The following RAC1 variants were observed in gnomAD, a reference collection of about 807,000 sequenced individuals.
RAC1 encodes the protein Rac family small GTPase 1.
In RAC1, 2 loss-of-function variants were observed where a neutral mutation model predicts 25.2. The ratio of observed to expected loss-of-function variants is 0.08; its 90% CI spans 0.03 to 0.25. The LOEUF is 0.25. RAC1 is among the 10% of genes least tolerant of loss of function. RAC1 has a pLI of 1.00. For synonymous variants in RAC1, 88 were observed against 94.0 expected, an observed-to-expected ratio of 0.94 and a Z score of 0.37; for missense variants, 50 against 235.7, an observed-to-expected ratio of 0.21 and a Z score of 5.16.
At chr7:6,376,253 G>C (rs1782589634) in intron 1 of RAC1, among the ~76,000 whole-genome samples, 1 of 129,136 alleles carries the variant, frequency 7.7e-6, no homozygotes, top group Non-Finnish European at 1.5e-5. Flanking sequence ...CACGATTTCG[G>C]CTCACTACAA....
Position 6,374,713 on chromosome 7 carries a change from C to T in RAC1, c.-23C>T, listed in dbSNP as rs1331769704. 2.7e-6 allele frequency: 3 copies of T among 1,101,552 alleles called. No homozygotes were observed. The highest frequency in any genetic ancestry group is 3.3e-6 in the Non-Finnish European group (3 of 901,426). 68.2% of individuals were successfully genotyped at this position (1,101,552 alleles called of 1,614,324 possible). A position where few individuals can be genotyped will look rare whatever the true frequency, so the allele number is the denominator to read the frequency against. On this transcript the variant is annotated 5_prime_UTR_variant, in exon 1 of 6. Coordinates refer to ENST00000348035, the MANE Select transcript of RAC1 (RefSeq NM_006908.5). ...CTATCTCAGCGCCCTGCCGCCGCCG[C>T]CGCGGCCCAGCGAGCGGCCCTGATG...
intron 2 of RAC1, among the ~76,000 whole-genome samples, chr7:6,387,839 A>G (rs1021166042): frequency 3.3e-5 from 5 of 152,206 alleles, no homozygotes; most frequent in African/African-American, 9.6e-5. Context: ...CAGAGACTGG[A>G]TGATGTTAAA....
In RAC1 at chr7:6,403,327, C is replaced by G; in HGVS notation, c.*881C>G. On this transcript the variant is annotated 3_prime_UTR_variant, in exon 6 of 6. Coordinates refer to ENST00000348035, the MANE Select transcript of RAC1 (RefSeq NM_006908.5). ...TTTCTTAAGCTTTTCCTTTCTCTTA[C>G]ACCTGCCATGCCTCCCCAAATTGGG... 4.8e-6 allele frequency: 1 copy of G among 209,110 alleles called. No individual in the cohort carries two copies. Among genetic ancestry groups the G allele is most frequent in the Non-Finnish European group, 9.7e-6 (1 of 102,626 alleles). The allele number at this position is 209,110 out of a possible 1,614,324, so 13.0% of individuals were successfully genotyped here.
chr7:6,390,451 T>G (rs930435978), intron 2 of RAC1, among the ~76,000 whole-genome samples: 24 of 151,914 alleles, frequency 1.6e-4, no homozygotes, highest in African/African-American at 5.5e-4. Context: ...AATACAAAAA[T>G]TAACCGGGCA....
At chr7:6,394,166 A>G (rs1443602455) in intron 3 of RAC1, among the ~76,000 whole-genome samples, 5 of 152,052 alleles carry the variant, frequency 3.3e-5, no homozygotes, top group African/African-American at 9.7e-5. Context: ...CTAAAAAGAG[A>G]TGTTACATTT....
chr7:6,385,670 T>G (rs1053187878), intron 1 of RAC1, among the ~76,000 whole-genome samples: 1 of 152,192 alleles, frequency 6.6e-6, no homozygotes, highest in Non-Finnish European at 1.5e-5. Flanking sequence ...CCCTCAATAA[T>G]GTCATGAGTG....
intron 1 of RAC1, among the ~76,000 whole-genome samples, chr7:6,385,557 C>T (rs1782902794): frequency 6.6e-6 from 1 of 152,160 alleles, no homozygotes; most frequent in Non-Finnish European, 1.5e-5. Context: ...TCCAATGAGT[C>T]ATTTCTGTTT....
intron 1 of RAC1, among the ~76,000 whole-genome samples, chr7:6,377,473 A>T (rs1031887559): frequency 1.3e-5 from 2 of 152,098 alleles, no homozygotes; most frequent in Admixed American, 1.3e-4. Context: ...ATGTGCCTGT[A>T]GTCCCAGCTA....
chr7:6,397,091 T>A (rs836468), intron 3 of RAC1, among the ~76,000 whole-genome samples: 45,121 of 133,690 alleles, frequency 0.34, 8,034 homozygotes, highest in East Asian at 0.79. Context: ...ATACAAAAAA[T>A]TTAGCTGGGC....
intron 4 of RAC1, among the ~76,000 whole-genome samples, chr7:6,401,247 T>G (rs1296313775): frequency 6.6e-6 from 1 of 152,210 alleles, no homozygotes; most frequent in African/African-American, 2.4e-5. Context: ...TGAGCCACTA[T>G]GCCCGGCCTA....
At chr7:6,399,794 AT>A (rs1783346141) in intron 3 of RAC1, 1 of 264,392 alleles carries the variant, frequency 3.8e-6, no homozygotes. Flanking sequence ...TATTGGAATC[AT>A]ACCTTTATAC....
At chr7:6,394,076 G>T (rs1783161021) in intron 3 of RAC1, among the ~76,000 whole-genome samples, 3 of 152,176 alleles carry the variant, frequency 2.0e-5, no homozygotes. Flanking sequence ...GTGGTCTGCA[G>T]ACCTGTTGAT....
At chr7:6,396,690 A>T (rs1783244682) in intron 3 of RAC1, among the ~76,000 whole-genome samples, 2 of 152,254 alleles carry the variant, frequency 1.3e-5, no homozygotes, top group Non-Finnish European at 2.9e-5. Flanking sequence ...CATAGATGAA[A>T]CCCAGATAGC....
At chr7:6,375,273 A>G (rs977708172) in intron 1 of RAC1, among the ~76,000 whole-genome samples, 15 of 151,842 alleles carry the variant, frequency 9.9e-5, no homozygotes, top group African/African-American at 3.6e-4. Flanking sequence ...TTTTTTTTTC[A>G]TAGACGGGGT....
chr7:6,403,726 G>C lies in RAC1; in HGVS notation c.*1280G>C, dbSNP rs1328126722. 3 of 209,906 alleles carry C rather than the reference G, an allele frequency of 1.4e-5. No individual in the cohort carries two copies. The highest frequency in any genetic ancestry group is 2.9e-5 in the Non-Finnish European group (3 of 103,340). The allele number at this position is 209,906 out of a possible 1,614,324, so 13.0% of individuals were successfully genotyped here. A position where few individuals can be genotyped will look rare whatever the true frequency, so the allele number is the denominator to read the frequency against. On this transcript the variant is annotated 3_prime_UTR_variant, in exon 6 of 6. Coordinates refer to ENST00000348035, the MANE Select transcript of RAC1 (RefSeq NM_006908.5). ...TCGCCCACGCGGACACACGCCTCCTGTAGTCGCTTTGCCTATTGATGTTCC... is the reference window on the plus strand; with the variant it reads ...TCGCCCACGCGGACACACGCCTCCTCTAGTCGCTTTGCCTATTGATGTTCC...
intron 2 of RAC1, among the ~76,000 whole-genome samples, chr7:6,388,409 G>C (rs569596714): frequency 4.8e-5 from 7 of 144,644 alleles, no homozygotes; most frequent in Admixed American, 4.3e-4. Context: ...GCTGTGATGC[G>C]ATCTCAGCTC....
chr7:6,392,115 C>T (rs1430018800), intron 3 of RAC1, 74 bp downstream of exon 3: 6 of 1,597,256 alleles, frequency 3.8e-6, no homozygotes, highest in Non-Finnish European at 5.1e-6. Context: ...GTGCATGTTA[C>T]CTATGGACTT....
rs34290060 is a variant in RAC1 at position 6,376,484 on chromosome 7, C to A, written c.35+1714C>A. Among the ~76,000 whole-genome samples, 259 of 137,612 alleles carry A rather than the reference C, an allele frequency of 1.9e-3. 2 individuals carry two copies. The highest frequency in any genetic ancestry group is 6.9e-3 in the African/African-American group (244 of 35,360). The allele number at this position is 137,612 out of a possible 152,430, so 90.3% of individuals were successfully genotyped here. A position where few individuals can be genotyped will look rare whatever the true frequency, so the allele number is the denominator to read the frequency against. On this transcript the variant is annotated intron_variant, in intron 1 of 5. Coordinates refer to ENST00000348035, the MANE Select transcript of RAC1 (RefSeq NM_006908.5). ...CAGGCGTAAGCCACGGCGCCCGGCC[C>A]AATTTTTTTTTTTTTTCTTTTCTTT... is the stretch of plus-strand genomic sequence containing the variant.
chr7:6,393,287 T>G (rs745724691), intron 3 of RAC1, among the ~76,000 whole-genome samples: 37 of 152,226 alleles, frequency 2.4e-4, no homozygotes, highest in Non-Finnish European at 4.9e-4. Context: ...TTCAGTATCT[T>G]AGGAAACTCT....
Sources: gnomAD v4.1 joint callset for allele counts (sites outside exome capture counted in the v4.1 genomes callset) on GRCh38, gnomAD v4.1.1 for gene constraint, MANE v1.5 for transcripts, NCBI Gene and HGNC (gene_info 2026-07-23, HGNC 2026-07-21) for gene names.